Variants in RAP1GDS1 observed in about 807,000 individuals in gnomAD.
RAP1GDS1 encodes the protein Rap1 GTPase-GDP dissociation stimulator 1.
In RAP1GDS1, 35 loss-of-function variants were observed where a neutral mutation model predicts 71.1. The ratio of observed to expected loss-of-function variants is 0.49; its 90% CI spans 0.38 to 0.65. The LOEUF (loss-of-function observed/expected upper bound fraction) is 0.65. RAP1GDS1 is among the 30% of genes least tolerant of loss of function. RAP1GDS1 has a pLI of 0.00. For missense variants in RAP1GDS1, 663 were observed against 706.1 expected (o/e 0.94, Z 0.69); for synonymous variants, 229 against 243.1 (o/e 0.94, Z 0.54).
intron 1 of RAP1GDS1, among the ~76,000 whole-genome samples, chr4:98,280,718 T>C (rs1179076977): frequency 6.6e-6 from 1 of 151,634 alleles, no homozygotes; most frequent in African/African-American, 2.4e-5. Context: ...GTCTCGGTTT[T>C]CTTCTAGAGT....
intron 3 of RAP1GDS1, among the ~76,000 whole-genome samples, chr4:98,346,734 C>A (rs767895759): frequency 1.3e-5 from 2 of 151,972 alleles, no homozygotes; most frequent in African/African-American, 4.8e-5. Flanking sequence ...TTAGTAGAGA[C>A]GGGGTTTCAC....
At chr4:98,278,270 C>A (rs2110245189) in intron 1 of RAP1GDS1, among the ~76,000 whole-genome samples, 1 of 152,240 alleles carries the variant, frequency 6.6e-6, no homozygotes, top group South Asian at 2.1e-4. Flanking sequence ...GTCTTTTAGG[C>A]AGGGTATGAG....
intron 1 of RAP1GDS1, among the ~76,000 whole-genome samples, chr4:98,264,038 G>A (rs1401223929): frequency 6.6e-6 from 1 of 152,156 alleles, no homozygotes; most frequent in Admixed American, 6.5e-5. Flanking sequence ...CACATAAGAA[G>A]GTAGAAGGTA....
chr4:98,377,594 A>G (rs180704048), intron 4 of RAP1GDS1, among the ~76,000 whole-genome samples: 31 of 151,452 alleles, frequency 2.0e-4, no homozygotes, highest in Admixed American at 2.0e-3. Flanking sequence ...TTTCAAAATT[A>G]TGAACATAGT....
intron 2 of RAP1GDS1, among the ~76,000 whole-genome samples, chr4:98,308,370 A>C (rs1264488066): frequency 2.2e-5 from 3 of 136,216 alleles, no homozygotes; most frequent in Non-Finnish European, 4.6e-5. Context: ...ATTCCCAGCT[A>C]TGTGGAAGGC....
intron 13 of RAP1GDS1, among the ~76,000 whole-genome samples, chr4:98,436,124 T>A (rs540724984): frequency 6.6e-6 from 1 of 151,998 alleles, no homozygotes; most frequent in Non-Finnish European, 1.5e-5. Context: ...AGGTTTAGGT[T>A]AGGGTTCATT....
chr4:98,408,423 G>A (rs563185528), intron 7 of RAP1GDS1, among the ~76,000 whole-genome samples: 16 of 152,222 alleles, frequency 1.1e-4, no homozygotes, highest in South Asian at 2.1e-4. Flanking sequence ...ATGAGCCACC[G>A]TGCCTGGCCT....
At chr4:98,298,770 C>T (rs1279534330) in intron 2 of RAP1GDS1, among the ~76,000 whole-genome samples, 1 of 152,100 alleles carries the variant, frequency 6.6e-6, no homozygotes, top group Admixed American at 6.6e-5. Context: ...CCTTATTATA[C>T]ATTTCATAAG....
chr4:98,318,132 C>G (rs745577900), intron 2 of RAP1GDS1, among the ~76,000 whole-genome samples: 1 of 152,070 alleles, frequency 6.6e-6, no homozygotes, highest in Non-Finnish European at 1.5e-5. Flanking sequence ...CGTGAGCCAC[C>G]GCGTCCAGTG....
At chr4:98,297,907 G>T (rs182443934) in intron 2 of RAP1GDS1, among the ~76,000 whole-genome samples, 1 of 152,202 alleles carries the variant, frequency 6.6e-6, no homozygotes, top group Admixed American at 6.5e-5. Context: ...TCTTGAGCCA[G>T]TTAGCCAAGT....
intron 12 of RAP1GDS1, among the ~76,000 whole-genome samples, chr4:98,422,693 A>G (rs1467878202): frequency 6.6e-6 from 1 of 152,232 alleles, no homozygotes; most frequent in East Asian, 1.9e-4. Context: ...GTTCTTGTAT[A>G]AATCTCTTTC....
At chr4:98,380,876 C>G (rs1039892095) in intron 5 of RAP1GDS1, among the ~76,000 whole-genome samples, 2 of 151,558 alleles carry the variant, frequency 1.3e-5, no homozygotes, top group African/African-American at 4.8e-5. Flanking sequence ...TCTAACCTAG[C>G]TGTTAGTTCT....
intron 2 of RAP1GDS1, among the ~76,000 whole-genome samples, chr4:98,305,399 CATT>C (rs1450293024): frequency 1.3e-5 from 2 of 151,982 alleles, no homozygotes; most frequent in Non-Finnish European, 2.9e-5. Context: ...ACCTTAGGTT[CATT>C]ATTCTAGGGT....
At chr4:98,330,591 CG>C (rs1560849478) in intron 2 of RAP1GDS1, among the ~76,000 whole-genome samples, 1 of 143,182 alleles carries the variant, frequency 7.0e-6, no homozygotes, top group African/African-American at 2.7e-5. Context: ...ACGGGGCGGC[CG>C]GGCAGAGGCG....
chr4:98,389,853 T>G (rs911789366), intron 5 of RAP1GDS1, among the ~76,000 whole-genome samples: 12 of 152,190 alleles, frequency 7.9e-5, no homozygotes, highest in African/African-American at 2.7e-4. Context: ...TTCTGTTATC[T>G]TCTCCATAAA....
At chr4:98,382,144 C>CAAGACTCTT (rs528796453) in intron 5 of RAP1GDS1, among the ~76,000 whole-genome samples, 15 of 151,544 alleles carry the variant, frequency 9.9e-5, no homozygotes, top group Non-Finnish European at 2.1e-4. Context: ...TAAACTAGCT[C>CAAGACTCTT]AAGACTCTAT....
At chr4:98,373,089 C>G (rs916661717) in intron 4 of RAP1GDS1, among the ~76,000 whole-genome samples, 10 of 152,140 alleles carry the variant, frequency 6.6e-5, no homozygotes, top group African/African-American at 1.9e-4. Context: ...TTGGGTAGAT[C>G]CAAATTTTTG....
chr4:98,277,277 G>T (rs762465182), intron 1 of RAP1GDS1, among the ~76,000 whole-genome samples: 2 of 152,118 alleles, frequency 1.3e-5, no homozygotes, highest in East Asian at 1.9e-4. Context: ...TAGACTTTCT[G>T]CTCCCCAGTC....
At chr4:98,303,361 TA>T (rs1728843984) in intron 2 of RAP1GDS1, among the ~76,000 whole-genome samples, 1 of 152,030 alleles carries the variant, frequency 6.6e-6, no homozygotes, top group Admixed American at 6.6e-5. Flanking sequence ...GTTGTACATC[TA>T]AAAAACATAC....
Sources: gnomAD v4.1 joint callset for allele counts (sites outside exome capture counted in the v4.1 genomes callset) on GRCh38, gnomAD v4.1.1 for gene constraint, MANE v1.5 for transcripts, NCBI Gene and HGNC (gene_info 2026-07-23, HGNC 2026-07-21) for gene names.